Variants in MFNG observed in about 807,000 individuals in gnomAD.
MFNG encodes beta-1,3-N-acetylglucosaminyltransferase manic fringe.
A neutral mutation model predicts 34.2 loss-of-function variants in MFNG; 24 were observed. That is an observed-to-expected ratio of 0.70 (90% confidence interval 0.51 to 0.99). The LOEUF (loss-of-function observed/expected upper bound fraction) is 0.99. MFNG is among the 50% of genes least tolerant of loss of function. The probability of loss-of-function intolerance (pLI) is 0.00; values close to 1 mark genes in which losing one functional copy is unlikely to be tolerated. For synonymous variants in MFNG, 158 were observed against 179.2 expected, an observed-to-expected ratio of 0.88 and a Z score of 0.94; for missense variants, 383 against 424.0, an observed-to-expected ratio of 0.90 and a Z score of 0.85.
intron 5 of MFNG, among the ~76,000 whole-genome samples, chr22:37,476,563 A>C (rs1416249588): frequency 6.6e-6 from 1 of 152,088 alleles, no homozygotes; most frequent in African/African-American, 2.4e-5. Flanking sequence ...GGTAAATAGC[A>C]CCTACCAGGG....
At chr22:37,478,252 C>T (rs1922127987) in intron 4 of MFNG, among the ~76,000 whole-genome samples, 2 of 152,150 alleles carry the variant, frequency 1.3e-5, no homozygotes, top group Admixed American at 1.3e-4. Context: ...CCAGCTCCTG[C>T]ACCAGGCACT....
At position 37,476,883 on chromosome 22, in the gene MFNG, G is replaced by A. The variant is rs757561386; in HGVS notation, c.647+13C>T. ...CTCCCCGCCTTCCTGCCCACCCCTG[G>A]GTCTCTGCTTACCTGGCCCACGGAG... On this transcript the variant is annotated intron_variant, in intron 5 of 7. Coordinates refer to ENST00000356998, the MANE Select transcript of MFNG (RefSeq NM_002405.4). 8 of 1,612,426 alleles carry A rather than the reference G, an allele frequency of 5.0e-6. No homozygotes were observed. Among genetic ancestry groups the A allele is most frequent in the Non-Finnish European group, 6.8e-6 (8 of 1,178,662 alleles).
intron 4 of MFNG, among the ~76,000 whole-genome samples, chr22:37,479,093 A>C (rs1922167761): frequency 6.6e-6 from 1 of 152,192 alleles, no homozygotes; most frequent in South Asian, 2.1e-4. Flanking sequence ...GACCAGGACA[A>C]GCCGTGGTTC....
chr22:37,470,068 C>A (rs779867343), intron 7 of MFNG, 39 bp from the exon 8 acceptor site: 8 of 1,495,400 alleles, frequency 5.3e-6, no homozygotes, highest in Middle Eastern at 1.7e-4. Context: ...GGTCACCCCC[C>A]ACTTCTGCTC....
Position 37,486,188 on chromosome 22 carries a change from TG to T in MFNG, c.-12del, listed in dbSNP as rs769642322. ...GAGCCGGCACTGCATTGGTTGGCCC[TG>T]GGACCCCAGACAGCTCAGCCCCCAA... On this transcript the variant is annotated 5_prime_UTR_variant, in exon 1 of 8. Coordinates refer to ENST00000356998, the MANE Select transcript of MFNG (RefSeq NM_002405.4). 9 of 1,541,692 alleles carry T rather than the reference TG, an allele frequency of 5.8e-6. No homozygotes were observed. The highest frequency in any genetic ancestry group is 7.9e-6 in the Non-Finnish European group (9 of 1,143,100).
intron 1 of MFNG, chr22:37,484,691 C>T (rs111854053): frequency 0.02 from 3,091 of 152,436 alleles, 42 homozygotes; most frequent in South Asian, 0.049. Flanking sequence ...GGAAGGCCTG[C>T]GGGAGGGCCC....
At chr22:37,477,521 A>T (rs1922097698) in intron 4 of MFNG, among the ~76,000 whole-genome samples, 1 of 151,820 alleles carries the variant, frequency 6.6e-6, no homozygotes, top group Non-Finnish European at 1.5e-5. Context: ...ATCTCTGCTC[A>T]CTGCAACCTC....
Position 37,470,000 on chromosome 22 carries a change from G to A in MFNG, c.929C>T (p.Pro310Leu). ...CAGCTGGGGACACCAGGGTGTATCT[G>A]GATAGAGCAGACAATGGAGGGAGCG... ...RFRSLHCLLY[P>L]DTPWCPQLGA... Residue 310 changes from proline (P) to leucine (L), a missense_variant, in exon 8 of 8, where the codon CCA becomes CTA. By Grantham distance (98) the Pro-to-Leu change is moderately conservative. Coordinates refer to ENST00000356998, the MANE Select transcript of MFNG (RefSeq NM_002405.4). The A allele has an allele frequency of 6.2e-7, 1 of 1,609,434 alleles. No homozygotes were observed. Among genetic ancestry groups the A allele is most frequent in the Non-Finnish European group, 8.5e-7 (1 of 1,177,654 alleles).
At chr22:37,470,549 C>T (rs946476511) in intron 7 of MFNG, among the ~76,000 whole-genome samples, 2 of 152,248 alleles carry the variant, frequency 1.3e-5, no homozygotes, top group Non-Finnish European at 2.9e-5. Flanking sequence ...ACGGGGAGCT[C>T]ATCCTACTAG....
chr22:37,480,634 G>A (rs747042699), intron 2 of MFNG, 87 bp downstream of exon 2: 11 of 1,319,962 alleles, frequency 8.3e-6, no homozygotes, highest in Non-Finnish European at 1.2e-5. Context: ...CCCATTTCCT[G>A]GGAACCCTCA....
chr22:37,483,152 C>T lies in MFNG; in HGVS notation c.256-2383G>A, dbSNP rs938158195. Among the ~76,000 whole-genome samples, 10 of 152,166 alleles carry T rather than the reference C, an allele frequency of 6.6e-5. No homozygotes were observed. The highest frequency in any genetic ancestry group is 2.4e-4 in the African/African-American group (10 of 41,432). ...ACCCAAAACCTCAGACTCCCCGCTC[C>T]TCCTCTCTTCCTCTCACACCTCTTC... On this transcript the variant is annotated intron_variant, in intron 1 of 7. Coordinates refer to ENST00000356998, the MANE Select transcript of MFNG (RefSeq NM_002405.4). This position sits in a 1 kb window ranked among gnomAD's most constrained non-coding sequence, Gnocchi z 4.5.
At chr22:37,475,620 G>A (rs1355435114) in intron 5 of MFNG, among the ~76,000 whole-genome samples, 1 of 152,100 alleles carries the variant, frequency 6.6e-6, no homozygotes, top group Non-Finnish European at 1.5e-5. Flanking sequence ...CATTAATGCC[G>A]CTGCCCTGGA....
chr22:37,480,762 AC>A lies in MFNG; in HGVS notation c.262del (p.Val88SerfsTer60). On this transcript the variant is annotated frameshift_variant, in exon 2 of 8. Coordinates refer to ENST00000356998, the MANE Select transcript of MFNG (RefSeq NM_002405.4). LOFTEE classifies it high-confidence loss of function. ...WVSRTREQTF[V>X]FTDSPDKGLQ... The stretch of plus-strand genomic sequence containing the variant: ...GCCTTTGTCTGGGCTGTCGGTGAAG[AC>A]AAATGTCTAGGAAGGAGAAGAAGGG... 6.2e-7 allele frequency: 1 copy of A among 1,613,418 alleles called. No homozygotes were observed. The highest frequency in any genetic ancestry group is 1.3e-5 in the African/African-American group (1 of 74,994).
Position 37,474,558 on chromosome 22 carries a change from T to C in MFNG, c.767A>G (p.His256Arg). The change falls in exon 6 of 8, where the codon CAC becomes CGC. Residue 256 changes from histidine to arginine, a missense_variant. By Grantham distance (29) the His-to-Arg change is conservative. Transcript: ENST00000356998. ...RLQPSPLFHS[H>R]LETLQLLRTA... ...CCTCAGCAGCTGCAGGGTCTCCAGGTGGGAGTGAAAGAGGGGGCTGGGCTG... is the reference window on the plus strand; with the variant it reads ...CCTCAGCAGCTGCAGGGTCTCCAGGCGGGAGTGAAAGAGGGGGCTGGGCTG... The C allele has an allele frequency of 6.2e-7, 1 of 1,614,116 alleles. No homozygotes were observed. The highest frequency in any genetic ancestry group is 8.5e-7 in the Non-Finnish European group (1 of 1,179,982).
At position 37,483,305 on chromosome 22, in the gene MFNG, CCTCCCTGGCCTCCCTG is replaced by C. The variant is rs1193324722; in HGVS notation, c.256-2552_256-2537del. Among the ~76,000 whole-genome samples the C allele has an allele frequency of 1.3e-5, 2 of 152,118 alleles. No homozygotes were observed. The highest frequency in any genetic ancestry group is 4.8e-5 in the African/African-American group (2 of 41,418). ...TGCTGCCTGCTTTGCTGCAGGCCCT[CCTCCCTGGCCTCCCTG>C]CTCCCTGCCTCCACCCCAAGTCGGT... On this transcript the variant is annotated intron_variant, in intron 1 of 7. Coordinates refer to ENST00000356998, the MANE Select transcript of MFNG (RefSeq NM_002405.4). The surrounding 1 kb of genome is among the most constrained non-coding windows in gnomAD (Gnocchi z 4.5).
At chr22:37,480,174 C>T (rs781736454) in intron 3 of MFNG, 23 bp downstream of exon 3, 9 of 1,581,916 alleles carry the variant, frequency 5.7e-6, no homozygotes, top group Non-Finnish European at 6.9e-6. Flanking sequence ...CACACTTATC[C>T]CCAGAGACCC....
intron 7 of MFNG, 36 bp downstream of exon 7, chr22:37,472,407 A>G: frequency 6.7e-7 from 1 of 1,497,156 alleles, no homozygotes; most frequent in South Asian, 1.2e-5. Context: ...CTCAGCCCCC[A>G]CTCCTCCCAT....
chr22:37,472,909 C>G (rs1022791280), intron 6 of MFNG, among the ~76,000 whole-genome samples: 1 of 152,126 alleles, frequency 6.6e-6, no homozygotes, highest in African/African-American at 2.4e-5. Context: ...CACCCGGAGC[C>G]CCTACTCCAC....
chr22:37,474,608 A>G lies in MFNG; in HGVS notation c.717T>C (p.Ile239=). Residue 239 remains isoleucine, a synonymous_variant, in exon 6 of 8, where the codon ATT becomes ATC. Transcript: ENST00000356998. ...GCAGGCGGCCGCCCAGCTTGCACTC[A>G]ATGATATAGCCCATGGTGCAGTCAT... ...LPDDCTMGYI[I]ECKLGGRLQP... The G allele has an allele frequency of 6.2e-7, 1 of 1,614,056 alleles. No homozygotes were observed. Among genetic ancestry groups the G allele is most frequent in the African/African-American group, 1.3e-5 (1 of 75,052 alleles).
Sources: allele counts gnomAD v4.1 joint callset (sites outside exome capture counted in the v4.1 genomes callset), GRCh38; gene constraint gnomAD v4.1.1; non-coding constraint Gnocchi (gnomAD v3.1); transcripts MANE v1.5; gene names NCBI Gene and HGNC (gene_info 2026-07-23, HGNC 2026-07-21).